Variants in LARGE1 observed in about 807,000 individuals in gnomAD.
LARGE1 encodes the protein LARGE xylosyl- and glucuronyltransferase 1.
A neutral mutation model predicts 87.6 loss-of-function variants in LARGE1; 43 were observed. The observed-to-expected ratio is 0.49, with a 90% CI of 0.38 to 0.63. The LOEUF (loss-of-function observed/expected upper bound fraction) is 0.63, where lower values mean the gene tolerates loss of function less well. Among genes scored for constraint, LARGE1 ranks in the 30% least tolerant of loss-of-function variants. The pLI is 0.00. For synonymous variants in LARGE1, 434 were observed against 394.6 expected, an observed-to-expected ratio of 1.10 and a Z score of -1.18; for missense variants, 802 against 1,000.2, an observed-to-expected ratio of 0.80 and a Z score of 2.67.
chr22:33,241,229 TCA>T (rs1555884772), intron 11 of LARGE1, among the ~76,000 whole-genome samples: 2 of 152,030 alleles, frequency 1.3e-5, no homozygotes, highest in African/African-American at 4.8e-5. Context: ...TCTCTCTCTC[TCA>T]CATCTGGACC....
chr22:33,202,169 A>G (rs73881998), intron 11 of LARGE1, among the ~76,000 whole-genome samples: 4,578 of 152,178 alleles, frequency 0.03, 95 homozygotes, highest in Admixed American at 0.056. Flanking sequence ...TATTATATTA[A>G]GAGCTTAGGT....
intron 1 of LARGE1, among the ~76,000 whole-genome samples, chr22:33,837,222 C>CAT (rs147768340): frequency 0.023 from 3,369 of 147,916 alleles, 46 homozygotes; most frequent in Non-Finnish European, 0.027. Flanking sequence ...CATGCCACTC[C>CAT]ATATATATAT....
At chr22:33,590,124 A>C (rs1057293333) in intron 5 of LARGE1, among the ~76,000 whole-genome samples, 2 of 152,146 alleles carry the variant, frequency 1.3e-5, no homozygotes, top group African/African-American at 4.8e-5. Flanking sequence ...TATTTCTATC[A>C]ATTTTTGTTT....
In LARGE1 at chr22:33,900,875, C is replaced by T. The variant is rs148503964; in HGVS notation, c.-83+19120G>A. Among the ~76,000 whole-genome samples the T allele has an allele frequency of 7.2e-3, 1,092 of 152,220 alleles. 10 individuals carry two copies. Among genetic ancestry groups the T allele is most frequent in the African/African-American group, 0.025 (1,054 of 41,524 alleles). On this transcript the variant is annotated intron_variant, in intron 1 of 14. Transcript: ENST00000397394. ...TAGCTTGCCCAACATGGCGAAACCC[C>T]GTCTCTACTAAAAATACAAAAATTA...
intron 1 of LARGE1, among the ~76,000 whole-genome samples, chr22:33,919,607 G>C (rs974180475): frequency 6.6e-6 from 1 of 152,252 alleles, no homozygotes; most frequent in African/African-American, 2.4e-5. Flanking sequence ...CACCACGAAA[G>C]GTAGTTGCGT....
chr22:33,301,888 GA>G lies in LARGE1; in HGVS notation c.1730+2340del, dbSNP rs907862424. On this transcript the variant is annotated intron_variant, in intron 12 of 14. Coordinates refer to ENST00000397394, the MANE Select transcript of LARGE1 (RefSeq NM_133642.5). ...AATTAATAAAACATAGAAAGACAAA[GA>G]AAAAAAAACTGTTCATACGTATTGC... 1.1e-3 allele frequency among the ~76,000 whole-genome samples: 173 copies of G among 150,776 alleles called. 1 individual carries two copies. Among genetic ancestry groups the G allele is most frequent in the African/African-American group, 2.5e-3 (104 of 41,138 alleles).
intron 11 of LARGE1, among the ~76,000 whole-genome samples, chr22:33,236,228 G>T (rs1207760434): frequency 6.6e-6 from 1 of 152,152 alleles, no homozygotes; most frequent in African/African-American, 2.4e-5. Context: ...CTCCCAGTTT[G>T]CATGACAGCC....
intron 5 of LARGE1, among the ~76,000 whole-genome samples, chr22:33,586,837 TC>T (rs2043659025): frequency 6.6e-6 from 1 of 152,180 alleles, no homozygotes; most frequent in Non-Finnish European, 1.5e-5. Flanking sequence ...TCTGCTCCTT[TC>T]ACAGTCGAGA....
At chr22:33,338,720 T>A (rs1234262782) in intron 9 of LARGE1, among the ~76,000 whole-genome samples, 2 of 152,088 alleles carry the variant, frequency 1.3e-5, no homozygotes, top group Non-Finnish European at 2.9e-5. Flanking sequence ...GACTACTGAG[T>A]GCCTAGAGTA....
intron 1 of LARGE1, among the ~76,000 whole-genome samples, chr22:33,918,069 C>T (rs2065838929): frequency 6.6e-6 from 1 of 152,218 alleles, no homozygotes; most frequent in Non-Finnish European, 1.5e-5. Context: ...TAAAGCGCAG[C>T]TCAGGAACCC....
the LARGE1 span, among the ~76,000 whole-genome samples, chr22:33,107,246 A>C: frequency 2.6e-5 from 4 of 152,242 alleles, no homozygotes; most frequent in Admixed American, 2.0e-4. Context: ...ACAAATGTTA[A>C]GATTTAATGA....
the LARGE1 span, among the ~76,000 whole-genome samples, chr22:33,100,501 T>G: frequency 2.6e-5 from 4 of 152,136 alleles, no homozygotes; most frequent in African/African-American, 9.6e-5. Context: ...AATAGCCACA[T>G]AAGGCTAGTT....
At chr22:33,399,491 G>C (rs1041956733) in intron 7 of LARGE1, among the ~76,000 whole-genome samples, 1 of 152,174 alleles carries the variant, frequency 6.6e-6, no homozygotes, top group Non-Finnish European at 1.5e-5. Context: ...AATCCTTTGG[G>C]TATATACCCA....
intron 7 of LARGE1, among the ~76,000 whole-genome samples, chr22:33,401,217 G>T (rs2065916511): frequency 6.6e-6 from 1 of 152,130 alleles, no homozygotes; most frequent in South Asian, 2.1e-4. Context: ...TGAGTTGATT[G>T]TGTCCTCCTC....
intron 6 of LARGE1, among the ~76,000 whole-genome samples, chr22:33,478,848 G>A (rs2069188893): frequency 6.6e-6 from 1 of 152,160 alleles, no homozygotes; most frequent in South Asian, 2.1e-4. Context: ...AGATGTGAGA[G>A]GGCATCGCTA....
At position 33,760,876 on chromosome 22, in the gene LARGE1, C is replaced by T. The variant is rs538161672; in HGVS notation, c.106+495G>A. Among the ~76,000 whole-genome samples, 10 of 152,172 alleles carry T rather than the reference C, an allele frequency of 6.6e-5. No individual in the cohort carries two copies. In the South Asian group the frequency reaches 1.7e-3, roughly 25 times the overall value. On this transcript the variant is annotated intron_variant, in intron 2 of 14. Transcript: ENST00000397394. Reference sequence around the variant, plus strand: ...CAGGGGTTGCAGTGAGCCACAATCGCGCCACTGCACTCCAGCCTGGTAACA... The same window carrying T: ...CAGGGGTTGCAGTGAGCCACAATCGTGCCACTGCACTCCAGCCTGGTAACA...
intron 1 of LARGE1, among the ~76,000 whole-genome samples, chr22:33,848,537 C>T (rs2063496509): frequency 6.6e-6 from 1 of 152,132 alleles, no homozygotes; most frequent in African/African-American, 2.4e-5. Flanking sequence ...CCCACCCCAG[C>T]CTGACTCAAA....
rs536738604 is a variant in LARGE1, at chr22:33,294,754, C to T, written c.1730+9475G>A. Among the ~76,000 whole-genome samples, 12 of 152,238 alleles carry T rather than the reference C, an allele frequency of 7.9e-5. No homozygotes were observed. The South Asian group carries it at 2.5e-3, about 32-fold the overall frequency. ...TTGAGGTCTGGGGTGAGCCTCTGTT[C>T]ATGGTTACGTTTCCAGGTCCTGCAC... is the stretch of plus-strand genomic sequence containing the variant. On this transcript the variant is annotated intron_variant, in intron 12 of 14. Coordinates refer to ENST00000397394, the MANE Select transcript of LARGE1 (RefSeq NM_133642.5).
At chr22:33,772,851 G>A (rs1180079946) in intron 1 of LARGE1, among the ~76,000 whole-genome samples, 1 of 12,778 alleles carries the variant, frequency 7.8e-5, no homozygotes, top group Non-Finnish European at 1.3e-4. Context: ...TCTGCTGAAT[G>A]AATGAATGAA....
Sources: allele counts gnomAD v4.1 joint callset (sites outside exome capture counted in the v4.1 genomes callset), GRCh38; gene constraint gnomAD v4.1.1; transcripts MANE v1.5; gene names NCBI Gene and HGNC (gene_info 2026-07-23, HGNC 2026-07-21).